Variants in THSD7B observed in about 807,000 individuals in gnomAD.
THSD7B encodes thrombospondin type-1 domain-containing protein 7B.
In THSD7B, 138 loss-of-function variants were observed where a neutral mutation model predicts 213.6. The ratio of observed to expected loss-of-function variants is 0.65; its 90% confidence interval spans 0.56 to 0.74. THSD7B has a LOEUF of 0.74. Ranked by LOEUF, THSD7B falls within the 30% of genes least tolerant of loss-of-function variation. The pLI, the probability that THSD7B is intolerant of heterozygous loss-of-function variation, is 0.00. For synonymous variants in THSD7B, 742 were observed against 687.0 expected (o/e 1.08, Z -1.25); for missense variants, 1,931 against 1,991.5 (o/e 0.97, Z 0.58).
intron 12 of THSD7B, among the ~76,000 whole-genome samples, chr2:137,400,180 G>A (rs1260247327): frequency 1.3e-5 from 2 of 151,634 alleles, no homozygotes; most frequent in Non-Finnish European, 2.9e-5. Context: ...TCTTGCATTG[G>A]GCTTCTCTAA....
At chr2:137,107,109 C>T (rs1688269390) in intron 4 of THSD7B, among the ~76,000 whole-genome samples, 2 of 152,152 alleles carry the variant, frequency 1.3e-5, no homozygotes, top group Admixed American at 1.3e-4. Context: ...TATTGCAGCA[C>T]ATTCACAATA....
At chr2:137,146,770 G>A (rs550182321) in intron 5 of THSD7B, among the ~76,000 whole-genome samples, 1 of 152,136 alleles carries the variant, frequency 6.6e-6, no homozygotes, top group African/African-American at 2.4e-5. Flanking sequence ...TCATAAGGGA[G>A]GAAAAGACAA....
At chr2:137,526,998 C>G (rs1285413633) in intron 15 of THSD7B, among the ~76,000 whole-genome samples, 1 of 152,032 alleles carries the variant, frequency 6.6e-6, no homozygotes, top group Non-Finnish European at 1.5e-5. Context: ...TCAGCAAAAC[C>G]TTCTACCTTC....
chr2:137,012,363 A>G (rs1686247638), intron 2 of THSD7B, among the ~76,000 whole-genome samples: 1 of 152,180 alleles, frequency 6.6e-6, no homozygotes, highest in African/African-American at 2.4e-5. Flanking sequence ...CTTATGCAAA[A>G]GATGGTTACA....
At chr2:137,604,055 A>T (rs945179704) in intron 17 of THSD7B, among the ~76,000 whole-genome samples, 33 of 151,998 alleles carry the variant, frequency 2.2e-4, no homozygotes, top group Non-Finnish European at 3.8e-4. Context: ...AGATTGCGCC[A>T]CTGTATTCCA....
In THSD7B at chr2:137,114,939, G is replaced by GT. The variant is rs372859990; in HGVS notation, c.1200-175dup. Among the ~76,000 whole-genome samples, 397 of 148,822 alleles carry GT rather than the reference G, an allele frequency of 2.7e-3. 3 individuals carry two copies. Among genetic ancestry groups the GT allele is most frequent in the South Asian group, 0.015 (72 of 4,714 alleles). On this transcript the variant is annotated intron_variant, in intron 4 of 27. Coordinates refer to ENST00000409968, the MANE Select transcript of THSD7B (RefSeq NM_001316349.2). ...CTATTGTCATGATGGGCTGCTGGAT[G>GT]TTTTTTTTTTCTAGGAAATAAAAGG...
chr2:137,074,219 T>G (rs575194220), intron 3 of THSD7B, among the ~76,000 whole-genome samples: 3 of 152,110 alleles, frequency 2.0e-5, no homozygotes, highest in Non-Finnish European at 2.9e-5. Flanking sequence ...TGTGGGAGTC[T>G]AAGTCTCTTT....
chr2:137,454,619 C>T (rs1687726822), intron 15 of THSD7B, among the ~76,000 whole-genome samples: 1 of 152,000 alleles, frequency 6.6e-6, no homozygotes, highest in South Asian at 2.1e-4. Context: ...TTTCTTAATT[C>T]ATTTGACAAT....
chr2:137,152,852 A>G (rs1246717534), intron 5 of THSD7B, among the ~76,000 whole-genome samples: 4 of 152,150 alleles, frequency 2.6e-5, no homozygotes, highest in African/African-American at 9.7e-5. Flanking sequence ...TAGCTCTTTC[A>G]TTGTACCTGC....
chr2:137,586,115 T>G (rs1681720572), intron 17 of THSD7B, among the ~76,000 whole-genome samples: 1 of 152,164 alleles, frequency 6.6e-6, no homozygotes, highest in Admixed American at 6.5e-5. Context: ...CTTTTGATCT[T>G]TGTTGGTTTA....
At chr2:136,808,449 A>T (rs1682323794) in intron 1 of THSD7B, among the ~76,000 whole-genome samples, 1 of 152,196 alleles carries the variant, frequency 6.6e-6, no homozygotes, top group Non-Finnish European at 1.5e-5. Flanking sequence ...GAATAGATGC[A>T]TTACAGTGTG....
At chr2:136,781,267 A>ATTTT (rs10687137) in intron 1 of THSD7B, among the ~76,000 whole-genome samples, 7 of 125,802 alleles carry the variant, frequency 5.6e-5, no homozygotes, top group South Asian at 2.6e-4. Context: ...TACCAGTTCT[A>ATTTT]TTTTTTTTTT....
intron 5 of THSD7B, among the ~76,000 whole-genome samples, chr2:137,132,153 C>G (rs12477375): frequency 0.51 from 74,464 of 146,814 alleles, 20,171 homozygotes; most frequent in Non-Finnish European, 0.59. Context: ...TTGTGAATGG[C>G]AGTTCACTCA....
chr2:137,348,636 T>C (rs1323082306), intron 12 of THSD7B, among the ~76,000 whole-genome samples: 1 of 151,434 alleles, frequency 6.6e-6, no homozygotes, highest in Non-Finnish European at 1.5e-5. Flanking sequence ...TCAAAGTGTC[T>C]ATCTGAAACA....
Position 137,017,314 on chromosome 2 carries a change from T to A in THSD7B, c.140-39106T>A, listed in dbSNP as rs116271793. Among the ~76,000 whole-genome samples the A allele has an allele frequency of 5.7e-3, 857 of 151,440 alleles. 8 individuals carry two copies. The highest frequency in any genetic ancestry group is 0.02 in the African/African-American group (815 of 41,252). On this transcript the variant is annotated intron_variant, in intron 2 of 27. Transcript: ENST00000409968. ...TTTTTTTTCTCTGTCTCTCTCTTTA[T>A]AAGAGAAAGTTAATTTTGGTGGTTA... is the stretch of plus-strand genomic sequence containing the variant.
intron 15 of THSD7B, among the ~76,000 whole-genome samples, chr2:137,482,924 C>T (rs1432286353): frequency 6.6e-6 from 1 of 152,104 alleles, no homozygotes; most frequent in Non-Finnish European, 1.5e-5. Context: ...CTCTTCAACC[C>T]CTGGGACATA....
chr2:137,566,981 G>C (rs545316633), intron 16 of THSD7B, among the ~76,000 whole-genome samples: 1 of 152,074 alleles, frequency 6.6e-6, no homozygotes, highest in South Asian at 2.1e-4. Flanking sequence ...CAGGGACAAG[G>C]AGAGTAAAAA....
intron 17 of THSD7B, among the ~76,000 whole-genome samples, chr2:137,578,724 G>A (rs1282772751): frequency 6.6e-6 from 1 of 152,214 alleles, no homozygotes; most frequent in Non-Finnish European, 1.5e-5. Context: ...TTATTGGCTA[G>A]AGAGGGGAAA....
chr2:136,825,385 GA>G (rs1234745163), intron 1 of THSD7B, among the ~76,000 whole-genome samples: 1 of 152,172 alleles, frequency 6.6e-6, no homozygotes, highest in African/African-American at 2.4e-5. Flanking sequence ...GAGCTTTCAA[GA>G]AGCTCTGAAA....
Sources: allele counts gnomAD v4.1 joint callset (sites outside exome capture counted in the v4.1 genomes callset), GRCh38; gene constraint gnomAD v4.1.1; transcripts MANE v1.5; gene names NCBI Gene and HGNC (gene_info 2026-07-23, HGNC 2026-07-21).